Variants in RP1L1 observed in about 807,000 individuals in gnomAD.
RP1L1 encodes the protein retinitis pigmentosa 1-like 1 protein.
In RP1L1, 27 loss-of-function variants were observed where a neutral mutation model predicts 15.7. The observed-to-expected ratio is 1.72, with a 90% CI of 1.27 to 2.38. The LOEUF (loss-of-function observed/expected upper bound fraction) is 2.38, where lower values mean the gene tolerates loss of function less well. Among genes scored for constraint, RP1L1 ranks in the 30% most tolerant of loss-of-function variants. The probability of loss-of-function intolerance (pLI) is 0.00; values close to 1 mark genes in which losing one functional copy is unlikely to be tolerated. For missense variants in RP1L1, 4,798 were observed against 3,075.9 expected (o/e 1.56, Z -13.24); for synonymous variants, 1,813 against 1,276.7 (o/e 1.42, Z -8.96).
At chr8:10,651,329 C>T (rs952705962) in intron 1 of RP1L1, among the ~76,000 whole-genome samples, 1 of 152,226 alleles carries the variant, frequency 6.6e-6, no homozygotes, top group Non-Finnish European at 1.5e-5. Context: ...CGCTCTCTCT[C>T]TGATTTGTCT....
intron 2 of RP1L1, among the ~76,000 whole-genome samples, chr8:10,619,316 T>C (rs1798021452): frequency 6.6e-6 from 1 of 152,244 alleles, no homozygotes; most frequent in African/African-American, 2.4e-5. Flanking sequence ...CTTCCTTTTG[T>C]TCCTGACTCT....
At chr8:10,617,738 A>G (rs1797993384) in intron 2 of RP1L1, among the ~76,000 whole-genome samples, 1 of 151,764 alleles carries the variant, frequency 6.6e-6, no homozygotes, top group Admixed American at 6.6e-5. Flanking sequence ...TTGTATTTTT[A>G]GTAGAGACAG....
rs905062796 is a variant in RP1L1 at position 10,609,811 on chromosome 8, C to A, written c.4287G>T (p.Glu1429Asp). ...KGSQEDDPVQ[E>D]EEAGRASASA... ...AGGCAGAGGCTCTTCCTGCTTCCTC[C>A]TCCTGGACTGGGTCATCTTCCTGGG... is the stretch of plus-strand genomic sequence containing the variant. The change falls in exon 4 of 4, where the codon GAG becomes GAT. Residue 1429 changes from glutamate to aspartate, a missense_variant. Transcript: ENST00000382483. The A allele has an allele frequency of 6.2e-7, 1 of 1,613,976 alleles. No individual in the cohort carries two copies. The highest frequency in any genetic ancestry group is 1.3e-5 in the African/African-American group (1 of 74,920).
chr8:10,636,333 G>A (rs371073568), intron 1 of RP1L1, among the ~76,000 whole-genome samples: 4 of 152,234 alleles, frequency 2.6e-5, no homozygotes, highest in African/African-American at 9.7e-5. Context: ...GAGCCGGTCT[G>A]CAGGCGGCCA....
chr8:10,631,343 A>ACGCACACG (rs1214267517), intron 1 of RP1L1, among the ~76,000 whole-genome samples: 6 of 61,030 alleles, frequency 9.8e-5, no homozygotes, highest in Admixed American at 3.3e-4. Flanking sequence ...ATGCACACAC[A>ACGCACACG]CGCACACACA....
intron 1 of RP1L1, among the ~76,000 whole-genome samples, chr8:10,636,441 G>A (rs1223232678): frequency 1.3e-5 from 2 of 152,176 alleles, no homozygotes; most frequent in African/African-American, 2.4e-5. Flanking sequence ...GTAAAATGGA[G>A]ACATCGCATC....
chr8:10,623,493 G>C (rs1352681072), intron 1 of RP1L1, among the ~76,000 whole-genome samples: 2 of 150,024 alleles, frequency 1.3e-5, no homozygotes, highest in African/African-American at 2.5e-5. Flanking sequence ...CATGCCTTCA[G>C]AGTCACCATG....
At chr8:10,619,401 C>G (rs1171810978) in intron 2 of RP1L1, among the ~76,000 whole-genome samples, 8 of 152,198 alleles carry the variant, frequency 5.3e-5, no homozygotes, top group Non-Finnish European at 1.5e-5. Flanking sequence ...CCTCGTTGTT[C>G]TAGTACCCAT....
chr8:10,622,539 T>C, intron 2 of RP1L1, 54 bp downstream of exon 2: 1 of 1,610,376 alleles, frequency 6.2e-7, no homozygotes, highest in Non-Finnish European at 8.5e-7. Flanking sequence ...GTGAGTATTT[T>C]GACCTCAGGT....
In RP1L1 at chr8:10,609,507, G is replaced by A. The variant is rs1185922566; in HGVS notation, c.4591C>T (p.Leu1531=). ...VLLKKTEKAF[L]AHLASAVAEL... ...GCCACCGCACTGGCAAGGTGGGCCA[G>A]GAAGGCCTTCTCCGTCTTCTTCAGT... The change falls in exon 4 of 4, where the codon CTG becomes TTG. Residue 1531 remains leucine (L), a synonymous_variant. Transcript: ENST00000382483. The A allele has an allele frequency of 6.2e-7, 1 of 1,610,050 alleles. No homozygotes were observed. The highest frequency in any genetic ancestry group is 2.2e-5 in the East Asian group (1 of 44,820).
rs767002915 is a variant in RP1L1 at position 10,608,944 on chromosome 8, C to T, written c.5154G>A (p.Thr1718=). The change falls in exon 4 of 4, where the codon ACG becomes ACA. Residue 1718 remains threonine (T), a synonymous_variant. Transcript: ENST00000382483. ...VAPGKTHTDP[T]STRTVQGAEG... ...CAGCTCCCTGGACAGTCCTAGTGCTCGTGGGGTCCGTGTGGGTCTTGCCAG... is the reference window on the plus strand; with the variant it reads ...CAGCTCCCTGGACAGTCCTAGTGCTTGTGGGGTCCGTGTGGGTCTTGCCAG... The T allele has an allele frequency of 2.2e-5, 36 of 1,613,874 alleles. No individual in the cohort carries two copies. Among genetic ancestry groups the T allele is most frequent in the South Asian group, 1.3e-4 (12 of 91,078 alleles).
chr8:10,639,723 C>A (rs935779005), intron 1 of RP1L1, among the ~76,000 whole-genome samples: 11 of 152,114 alleles, frequency 7.2e-5, no homozygotes, highest in Admixed American at 5.9e-4. Context: ...TTATTGCAAG[C>A]CTTTCTGTTT....
At chr8:10,620,006 C>T (rs1201640339) in intron 2 of RP1L1, among the ~76,000 whole-genome samples, 1 of 150,530 alleles carries the variant, frequency 6.6e-6, no homozygotes, top group Non-Finnish European at 1.5e-5. Flanking sequence ...ATTCTGTTTC[C>T]TGTACTGAAG....
chr8:10,634,093 C>A (rs906560803), intron 1 of RP1L1, among the ~76,000 whole-genome samples: 14 of 152,110 alleles, frequency 9.2e-5, no homozygotes, highest in South Asian at 8.3e-4. Flanking sequence ...CCAGGCTGGA[C>A]CATACCACAG....
chr8:10,639,097 A>G (rs926311308), intron 1 of RP1L1, among the ~76,000 whole-genome samples: 1 of 151,868 alleles, frequency 6.6e-6, no homozygotes, highest in African/African-American at 2.4e-5. Flanking sequence ...GTGAGCCGAG[A>G]TCGGACCCTG....
chr8:10,639,026 T>G (rs1019672505), intron 1 of RP1L1, among the ~76,000 whole-genome samples: 1 of 151,894 alleles, frequency 6.6e-6, no homozygotes, highest in African/African-American at 2.4e-5. Flanking sequence ...ATGCCTGTAA[T>G]CTCAGCTACT....
chr8:10,636,705 G>A (rs531471585), intron 1 of RP1L1, among the ~76,000 whole-genome samples: 8 of 152,234 alleles, frequency 5.3e-5, no homozygotes, highest in African/African-American at 1.9e-4. Flanking sequence ...TGCTAATCCA[G>A]CTGCAGGAGG....
intron 1 of RP1L1, among the ~76,000 whole-genome samples, chr8:10,648,283 C>T (rs1209298322): frequency 2.6e-5 from 4 of 152,168 alleles, no homozygotes; most frequent in South Asian, 2.1e-4. Context: ...CCACCTGCCT[C>T]GGCCCCCCAA....
chr8:10,612,990 C>G lies in RP1L1; in HGVS notation c.1108G>C (p.Glu370Gln). ...TCTGAGAAGCCCCAAGGGTAGCCCT[C>G]CCACACACAGCAGAGGGGGTCTACC... ...GEVDPLCCVW[E>Q]GYPWGFSEPG... The change falls in exon 4 of 4, where the codon GAG (glutamate) becomes CAG (glutamine). Residue 370 changes from glutamate to glutamine, a missense_variant. Physicochemically the swap from Glu to Gln is conservative, Grantham distance 29 (BLOSUM62 2). Coordinates refer to ENST00000382483, the MANE Select transcript of RP1L1 (RefSeq NM_178857.6). 6.2e-7 allele frequency: 1 copy of G among 1,613,346 alleles called. No homozygotes were observed. The highest frequency in any genetic ancestry group is 8.5e-7 in the Non-Finnish European group (1 of 1,179,952).
Sources: allele counts gnomAD v4.1 joint callset (sites outside exome capture counted in the v4.1 genomes callset), GRCh38; gene constraint gnomAD v4.1.1; transcripts MANE v1.5; gene names NCBI Gene and HGNC (gene_info 2026-07-23, HGNC 2026-07-21).